The following ASPRV1 variants were observed in gnomAD, a reference collection of about 807,000 sequenced individuals.
ASPRV1 encodes aspartic peptidase retroviral like 1, also known as retroviral-like aspartic protease 1.
ASPRV1 carries 7 observed loss-of-function variants against 11.0 expected under a neutral mutation model. That is an observed-to-expected ratio of 0.64 (90% CI 0.36 to 1.20). The LOEUF (loss-of-function observed/expected upper bound fraction) is 1.20, where lower values mean the gene tolerates loss of function less well. Ranked by LOEUF, ASPRV1 falls within the 50% of genes most tolerant of loss-of-function variation. ASPRV1 has a pLI of 0.02. For synonymous variants in ASPRV1, 136 were observed against 138.4 expected, an observed-to-expected ratio of 0.98 and a Z score of 0.12; for missense variants, 299 against 320.0, an observed-to-expected ratio of 0.93 and a Z score of 0.50.
At chr2:69,966,767 C>G in the ASPRV1 span, among the ~76,000 whole-genome samples, 2 of 152,188 alleles carry the variant, frequency 1.3e-5, no homozygotes, top group African/African-American at 4.8e-5. Context: ...CTAATGATAA[C>G]TAGTATTGTG....
the ASPRV1 span, chr2:69,988,486 T>C: frequency 6.5e-6 from 2 of 307,622 alleles, no homozygotes; most frequent in South Asian, 5.7e-5. Context: ...AGACAGAAAG[T>C]ACAGCGGTGG....
At chr2:70,035,898 C>T in the ASPRV1 span, among the ~76,000 whole-genome samples, 2 of 151,574 alleles carry the variant, frequency 1.3e-5, no homozygotes, top group African/African-American at 4.8e-5. Context: ...CTAACTCAAG[C>T]CCTTCTATCA....
At chr2:70,053,624 T>C in the ASPRV1 span, 1 of 152,338 alleles carries the variant, frequency 6.6e-6, no homozygotes, top group Non-Finnish European at 1.5e-5. Context: ...AGGCTTGTTG[T>C]TAAGCAGAGG....
chr2:69,959,374 C>T (rs759015345), downstream of ASPRV1, among the ~76,000 whole-genome samples: 74 of 152,162 alleles, frequency 4.9e-4, no homozygotes, highest in Non-Finnish European at 8.5e-4. Flanking sequence ...ACTGGCTCTT[C>T]TGTGGAGACT....
At chr2:70,085,440 A>C in the ASPRV1 span, 1 of 152,198 alleles carries the variant, frequency 6.6e-6, no homozygotes, top group South Asian at 2.1e-4. Flanking sequence ...TGCACAACAA[A>C]AGATTACCTG....
chr2:70,047,561 C>T, the ASPRV1 span, among the ~76,000 whole-genome samples: 3 of 152,134 alleles, frequency 2.0e-5, no homozygotes, highest in Non-Finnish European at 4.4e-5. Flanking sequence ...GTACAGCACG[C>T]CAAAAGTGGG....
the ASPRV1 span, among the ~76,000 whole-genome samples, chr2:70,009,319 T>C: frequency 6.6e-6 from 1 of 150,420 alleles, no homozygotes; most frequent in Non-Finnish European, 1.5e-5. Context: ...GTCTTATTTA[T>C]TTATTTATTT....
the ASPRV1 span, among the ~76,000 whole-genome samples, chr2:70,008,871 G>T: frequency 6.6e-6 from 1 of 152,020 alleles, no homozygotes. Context: ...TTCTTCCATC[G>T]TTTCCAGTCA....
chr2:69,941,455 C>G, the ASPRV1 span: 1 of 152,212 alleles, frequency 6.6e-6, no homozygotes, highest in African/African-American at 2.4e-5. Flanking sequence ...AAATGCATCA[C>G]ATTTTTAGGC....
At chr2:69,942,880 C>T in the ASPRV1 span, 3 of 152,286 alleles carry the variant, frequency 2.0e-5, no homozygotes, top group East Asian at 5.8e-4. Context: ...AGAATCTTTG[C>T]TGTGTATATG....
the ASPRV1 span, among the ~76,000 whole-genome samples, chr2:70,078,520 A>G: frequency 6.6e-6 from 1 of 152,262 alleles, no homozygotes; most frequent in Non-Finnish European, 1.5e-5. Flanking sequence ...GTGACAGTTG[A>G]GCAGAAACCT....
the ASPRV1 span, among the ~76,000 whole-genome samples, chr2:70,043,885 CACA>C: frequency 6.6e-6 from 1 of 152,188 alleles, no homozygotes; most frequent in Non-Finnish European, 1.5e-5. Flanking sequence ...ATCTACTCAG[CACA>C]ACCTCTTTTG....
chr2:69,942,653 T>C, the ASPRV1 span: 1 of 152,248 alleles, frequency 6.6e-6, no homozygotes, highest in African/African-American at 2.4e-5. Context: ...TTGGTGCTCT[T>C]GGAATATTGC....
chr2:70,025,006 A>C, the ASPRV1 span, among the ~76,000 whole-genome samples: 2 of 152,266 alleles, frequency 1.3e-5, no homozygotes, highest in Non-Finnish European at 2.9e-5. Flanking sequence ...TCTGTAGCTC[A>C]AATAAATGTT....
At chr2:70,008,708 T>C in the ASPRV1 span, among the ~76,000 whole-genome samples, 1 of 152,082 alleles carries the variant, frequency 6.6e-6, no homozygotes. Flanking sequence ...ATGCTTCTTC[T>C]TCCAATGTGG....
At chr2:69,943,864 A>G in the ASPRV1 span, among the ~76,000 whole-genome samples, 1 of 152,186 alleles carries the variant, frequency 6.6e-6, no homozygotes, top group South Asian at 2.1e-4. Flanking sequence ...AGTCAAGAGG[A>G]GGAAAAAGTT....
chr2:69,963,534 C>T (rs902748235), upstream of ASPRV1: 3 of 437,374 alleles, frequency 6.9e-6, no homozygotes, highest in Admixed American at 4.8e-5. Flanking sequence ...GGTTAGCATG[C>T]GACCAAGGGA....
chr2:70,005,223 C>A, the ASPRV1 span, among the ~76,000 whole-genome samples: 1 of 152,106 alleles, frequency 6.6e-6, no homozygotes, highest in Non-Finnish European at 1.5e-5. Flanking sequence ...CTATACTCTG[C>A]TAATTTTTAA....
the ASPRV1 span, among the ~76,000 whole-genome samples, chr2:70,000,053 G>A: frequency 2.0e-5 from 3 of 152,132 alleles, no homozygotes; most frequent in Admixed American, 6.5e-5. Context: ...TCCCTGCTTC[G>A]AGTCATGGCC....
Sources: allele counts gnomAD v4.1 joint callset (sites outside exome capture counted in the v4.1 genomes callset), GRCh38; gene constraint gnomAD v4.1.1; transcripts MANE v1.5; gene names NCBI Gene and HGNC (gene_info 2026-07-23, HGNC 2026-07-21).